Variants in MME observed in about 807,000 individuals in gnomAD.
MME encodes membrane metalloendopeptidase, also known as neprilysin.
MME carries 98 observed loss-of-function variants against 113.2 expected under a neutral mutation model. That is an observed-to-expected ratio of 0.87 (90% CI 0.74 to 1.02). The LOEUF is 1.02. Ranked by LOEUF, MME falls within the 50% of genes least tolerant of loss-of-function variation. The pLI, the probability that MME is intolerant of heterozygous loss-of-function variation, is 0.00. For missense variants in MME, 836 were observed against 896.0 expected (o/e 0.93, Z 0.86); for synonymous variants, 292 against 300.6 (o/e 0.97, Z 0.30).
intron 3 of MME, among the ~76,000 whole-genome samples, chr3:155,109,566 G>C (rs749673749): frequency 1.9e-4 from 29 of 152,208 alleles, no homozygotes; most frequent in Non-Finnish European, 3.5e-4. Context: ...CCTGATTCAA[G>C]TAAGTATGGG....
At chr3:155,162,286 G>A (rs531955678) in intron 17 of MME, among the ~76,000 whole-genome samples, 26 of 152,300 alleles carry the variant, frequency 1.7e-4, no homozygotes, top group Admixed American at 7.8e-4. Context: ...GCCCCTGGAG[G>A]TGGCTCCAAA....
chr3:155,138,570 GT>G (rs1469445001), intron 9 of MME, among the ~76,000 whole-genome samples: 1 of 152,166 alleles, frequency 6.6e-6, no homozygotes, highest in Non-Finnish European at 1.5e-5. Flanking sequence ...ATGCAAAGCT[GT>G]TTTAGTTTTG....
chr3:155,080,122 G>C (rs1714983588), upstream of MME: 1 of 152,864 alleles, frequency 6.5e-6, no homozygotes, highest in Admixed American at 6.5e-5. Flanking sequence ...CGGCTGCCGG[G>C]AGGTGCGCTG....
intron 1 of MME, among the ~76,000 whole-genome samples, chr3:155,033,155 A>G (rs1307032472): frequency 6.6e-6 from 1 of 152,192 alleles, no homozygotes; most frequent in Non-Finnish European, 1.5e-5. Context: ...AGAACATTAA[A>G]GAAGAGAGTT....
chr3:155,153,486 T>C (rs74502267), intron 16 of MME, among the ~76,000 whole-genome samples: 3,167 of 152,266 alleles, frequency 0.021, 64 homozygotes, highest in East Asian at 0.11. Flanking sequence ...ATTTCTAAAA[T>C]ATTTACTTCT....
intron 22 of MME, among the ~76,000 whole-genome samples, chr3:155,176,897 G>A (rs1161335567): frequency 6.6e-6 from 1 of 152,096 alleles, no homozygotes; most frequent in Non-Finnish European, 1.5e-5. Flanking sequence ...AGTAAGTGAA[G>A]CCCTAGTGTG....
chr3:155,176,624 A>C (rs1036722283), intron 22 of MME, among the ~76,000 whole-genome samples: 1 of 152,114 alleles, frequency 6.6e-6, no homozygotes, highest in African/African-American at 2.4e-5. Context: ...TCAGGAGTTC[A>C]AGACCAGCTT....
At chr3:155,031,085 A>G (rs1465963403) in intron 1 of MME, among the ~76,000 whole-genome samples, 1 of 152,170 alleles carries the variant, frequency 6.6e-6, no homozygotes, top group Non-Finnish European at 1.5e-5. Flanking sequence ...GAACTTTGAG[A>G]TGTAAAGGAT....
chr3:155,059,258 C>CAAA lies in MME; in HGVS notation c.-10-24879_-10-24877dup, dbSNP rs11459710. Among the ~76,000 whole-genome samples the CAAA allele has an allele frequency of 7.9e-3, 440 of 55,956 alleles. 8 individuals carry two copies. The highest frequency in any genetic ancestry group is 0.029 in the African/African-American group (406 of 13,892). 36.7% of individuals were successfully genotyped at this position (55,956 alleles called of 152,430 possible). On this transcript the variant is annotated intron_variant, in intron 1 of 22. Transcript: ENST00000492661. ...TGGGCTACAGAGCAAAATTCTGTCT[C>CAAA]AAAAAAAAAAAAAAAAAAAAAAAGG... is the stretch of plus-strand genomic sequence containing the variant.
intron 1 of MME, among the ~76,000 whole-genome samples, chr3:155,060,331 G>C (rs142347094): frequency 2.6e-4 from 40 of 152,262 alleles, no homozygotes; most frequent in Non-Finnish European, 4.3e-4. Flanking sequence ...GGTTAAGATG[G>C]TTTACTAACT....
At chr3:155,033,919 T>C (rs1259685650) in intron 1 of MME, among the ~76,000 whole-genome samples, 1 of 152,108 alleles carries the variant, frequency 6.6e-6, no homozygotes, top group Non-Finnish European at 1.5e-5. Context: ...CAATATAGAA[T>C]TCAATTACAC....
intron 3 of MME, among the ~76,000 whole-genome samples, chr3:155,096,396 C>G (rs959519084): frequency 6.6e-6 from 1 of 152,102 alleles, no homozygotes; most frequent in African/African-American, 2.4e-5. Flanking sequence ...GAAAGAATAT[C>G]TGTAAGGCTA....
At chr3:155,075,830 C>G (rs569865512), upstream of MME, among the ~76,000 whole-genome samples, 56 of 152,262 alleles carry the variant, frequency 3.7e-4, no homozygotes, top group South Asian at 5.6e-3. Context: ...TGAGTAAAGA[C>G]TTCAGAGTGC....
intron 1 of MME, among the ~76,000 whole-genome samples, chr3:155,066,598 A>G (rs1366224522): frequency 6.6e-6 from 1 of 152,228 alleles, no homozygotes; most frequent in Non-Finnish European, 1.5e-5. Context: ...CTGAATATCA[A>G]TTGAATATTA....
At chr3:155,177,870 T>A (rs569362046) in intron 22 of MME, among the ~76,000 whole-genome samples, 1 of 152,248 alleles carries the variant, frequency 6.6e-6, no homozygotes, top group East Asian at 1.9e-4. Context: ...AATTAGAGAA[T>A]AGCCTCCATC....
chr3:155,125,204 C>G (rs1719524358), intron 8 of MME, among the ~76,000 whole-genome samples: 1 of 148,718 alleles, frequency 6.7e-6, no homozygotes, highest in Non-Finnish European at 1.5e-5. Flanking sequence ...TCACCCCTTT[C>G]TTTGACTTGG....
Position 155,180,516 on chromosome 3 carries a change from G to T in MME, c.*57G>T. Reference sequence around the variant, plus strand: ...GACTTGCCAACACCACAGAAATGGGGAATTCTCTAATCGAAAGAAAATGGG... The same window carrying T: ...GACTTGCCAACACCACAGAAATGGGTAATTCTCTAATCGAAAGAAAATGGG... On this transcript the variant is annotated 3_prime_UTR_variant, in exon 23 of 23. Transcript: ENST00000360490. The T allele has an allele frequency of 7.3e-7, 1 of 1,367,074 alleles. No individual in the cohort carries two copies. Among genetic ancestry groups the T allele is most frequent in the Non-Finnish European group, 1.0e-6 (1 of 955,676 alleles). The allele number at this position is 1,367,074 out of a possible 1,614,324, so 84.7% of individuals were successfully genotyped here. A position where few individuals can be genotyped will look rare whatever the true frequency, so the allele number is the denominator to read the frequency against.
At chr3:155,135,965 T>G (rs960064830) in intron 8 of MME, among the ~76,000 whole-genome samples, 1 of 152,236 alleles carries the variant, frequency 6.6e-6, no homozygotes, top group African/African-American at 2.4e-5. Flanking sequence ...TAAATAGATA[T>G]GCCACCAATT....
chr3:155,070,801 A>G (rs1714525692), intron 1 of MME, among the ~76,000 whole-genome samples: 1 of 152,270 alleles, frequency 6.6e-6, no homozygotes, highest in African/African-American at 2.4e-5. Context: ...AGTTTTGATT[A>G]TCTGGAATCC....
Sources: gnomAD v4.1 joint callset for allele counts (sites outside exome capture counted in the v4.1 genomes callset) on GRCh38, gnomAD v4.1.1 for gene constraint, MANE v1.5 for transcripts, NCBI Gene and HGNC (gene_info 2026-07-23, HGNC 2026-07-21) for gene names.